The following DAPK2 variants were observed in gnomAD, a reference collection of about 807,000 sequenced individuals.
The protein encoded by DAPK2 is death-associated protein kinase 2.
DAPK2 carries 35 observed loss-of-function variants against 44.1 expected under a neutral mutation model. The observed-to-expected ratio is 0.79, with a 90% confidence interval of 0.61 to 1.05. The LOEUF is 1.05. DAPK2 is among the 50% of genes least tolerant of loss of function. The pLI is 0.00. For synonymous variants in DAPK2, 174 were observed against 182.6 expected (o/e 0.95, Z 0.38); for missense variants, 453 against 483.2 (o/e 0.94, Z 0.59).
chr15:64,036,351 A>T (rs1455873589), intron 1 of DAPK2, among the ~76,000 whole-genome samples: 1 of 138,812 alleles, frequency 7.2e-6, no homozygotes, highest in East Asian at 2.2e-4. Flanking sequence ...ATATATATAT[A>T]TATTTTAGTT....
chr15:64,006,175 G>A (rs2079224866), intron 1 of DAPK2, among the ~76,000 whole-genome samples: 1 of 152,042 alleles, frequency 6.6e-6, no homozygotes, highest in Non-Finnish European at 1.5e-5. Context: ...ACACTGAGTG[G>A]TCTCCGCTCA....
chr15:63,915,758 G>A (rs1419749992), intron 8 of DAPK2, among the ~76,000 whole-genome samples: 1 of 152,170 alleles, frequency 6.6e-6, no homozygotes, highest in African/African-American at 2.4e-5. Flanking sequence ...CCCTGAGGAG[G>A]CAGCATGGGG....
intron 3 of DAPK2, among the ~76,000 whole-genome samples, chr15:63,944,169 TG>T (rs2140480208): frequency 1.3e-5 from 2 of 152,166 alleles, no homozygotes; most frequent in South Asian, 4.1e-4. Context: ...GGATGAAGCC[TG>T]GGGGTTTCAG....
At position 63,980,058 on chromosome 15, in the gene DAPK2, A is replaced by G. The variant is rs2078459822; in HGVS notation, c.314+3475T>C. On this transcript the variant is annotated intron_variant, in intron 2 of 10. Coordinates refer to ENST00000261891, the Ensembl canonical transcript of DAPK2. The surrounding 1 kb of genome is among the most constrained non-coding windows in gnomAD (Gnocchi z 4.3). ...CAATCTCATAAATTCTTAGCAGTCC[A>G]TAGACAGGCACCCTGAGAACAATGA... 6.6e-6 allele frequency among the ~76,000 whole-genome samples: 1 copy of G among 152,228 alleles called. No homozygotes were observed. Among genetic ancestry groups the G allele is most frequent in the South Asian group, 2.1e-4 (1 of 4,838 alleles).
At chr15:64,012,056 T>C (rs2079402940) in intron 1 of DAPK2, among the ~76,000 whole-genome samples, 1 of 152,242 alleles carries the variant, frequency 6.6e-6, no homozygotes, top group African/African-American at 2.4e-5. Context: ...CCAGCCACTC[T>C]GATTTCCTCA....
chr15:63,939,450 C>T lies in DAPK2; in HGVS notation c.454-89G>A. On this transcript the variant is annotated intron_variant, in intron 3 of 10. Coordinates refer to ENST00000261891, the Ensembl canonical transcript of DAPK2. This position sits in a 1 kb window ranked among gnomAD's most constrained non-coding sequence, Gnocchi z 4.3. ...AAAGGCTGGTTGGTTCGTGTTTTGGCTTTGGGGTTTGGGGTGGGACTTGGT... is the reference window on the plus strand; with the variant it reads ...AAAGGCTGGTTGGTTCGTGTTTTGGTTTTGGGGTTTGGGGTGGGACTTGGT... The T allele has an allele frequency of 7.2e-7, 1 of 1,385,246 alleles. No individual in the cohort carries two copies. Among genetic ancestry groups the T allele is most frequent in the Non-Finnish European group, 9.7e-7 (1 of 1,029,556 alleles). 85.8% of individuals were successfully genotyped at this position (1,385,246 alleles called of 1,614,324 possible).
chr15:64,020,286 T>C lies in DAPK2; in HGVS notation c.92+19884A>G, dbSNP rs185119915. Among the ~76,000 whole-genome samples the C allele has an allele frequency of 2.1e-4, 32 of 152,308 alleles. No individual in the cohort carries two copies. Among genetic ancestry groups the C allele is most frequent in the African/African-American group, 7.5e-4 (31 of 41,576 alleles). ...TCTCTCCCACGCCAGCACACTCTTA[T>C]TGCACTACCTTGTTGAATGCATCAA... On this transcript the variant is annotated intron_variant, in intron 1 of 10. Transcript: ENST00000261891. This position sits in a 1 kb window ranked among gnomAD's most constrained non-coding sequence, Gnocchi z 4.5.
intron 3 of DAPK2, among the ~76,000 whole-genome samples, chr15:63,958,386 T>C (rs1013140454): frequency 1.3e-5 from 2 of 152,256 alleles, no homozygotes. Context: ...TTTTGGCTTT[T>C]GTTGCCATTG....
At chr15:64,028,794 A>G (rs529011719) in intron 1 of DAPK2, among the ~76,000 whole-genome samples, 3 of 152,284 alleles carry the variant, frequency 2.0e-5, no homozygotes, top group Admixed American at 1.3e-4. Context: ...GATAACCCAC[A>G]GACGGAAAGA....
chr15:63,934,690 T>C (rs1392101641), intron 4 of DAPK2, among the ~76,000 whole-genome samples: 1 of 152,214 alleles, frequency 6.6e-6, no homozygotes, highest in African/African-American at 2.4e-5. Context: ...CCAGTGTAAC[T>C]GGGACTACAA....
At chr15:63,953,291 C>G (rs983877903) in intron 3 of DAPK2, among the ~76,000 whole-genome samples, 3 of 152,176 alleles carry the variant, frequency 2.0e-5, no homozygotes, top group Admixed American at 2.0e-4. Context: ...CATCCAAGTT[C>G]TGGCAACCAT....
upstream of DAPK2, among the ~76,000 whole-genome samples, chr15:64,043,197 T>C (rs2080387551): frequency 6.6e-6 from 1 of 152,162 alleles, no homozygotes; most frequent in Admixed American, 6.5e-5. Context: ...CAAACACTGC[T>C]GGGAGGGGTA....
intron 1 of DAPK2, among the ~76,000 whole-genome samples, chr15:64,036,336 T>TAC (rs1555484558): frequency 3.5e-5 from 4 of 115,096 alleles, no homozygotes; most frequent in Admixed American, 9.6e-5. Context: ...TATATATATA[T>TAC]ACATATATAT....
At chr15:63,988,141 A>G (rs1052992792) in intron 1 of DAPK2, among the ~76,000 whole-genome samples, 1 of 152,132 alleles carries the variant, frequency 6.6e-6, no homozygotes, top group Non-Finnish European at 1.5e-5. Flanking sequence ...CCCTCTTCCC[A>G]GGCAGAGGAC....
At chr15:63,929,345 C>A (rs2079439677) in intron 6 of DAPK2, among the ~76,000 whole-genome samples, 1 of 152,176 alleles carries the variant, frequency 6.6e-6, no homozygotes, top group South Asian at 2.1e-4. Context: ...GGCTGCTCCC[C>A]TGGATGCCTA....
intron 1 of DAPK2, among the ~76,000 whole-genome samples, chr15:64,005,255 G>C (rs760224531): frequency 1.4e-4 from 21 of 151,980 alleles, no homozygotes; most frequent in Non-Finnish European, 2.6e-4. Flanking sequence ...AGTTAGCTCA[G>C]GGCAAGTCAT....
chr15:63,975,276 C>T (rs2078312734), intron 2 of DAPK2, among the ~76,000 whole-genome samples: 1 of 152,094 alleles, frequency 6.6e-6, no homozygotes, highest in Non-Finnish European at 1.5e-5. Flanking sequence ...CAGATCCCAC[C>T]ATAGACTTTA....
chr15:63,983,873 T>A lies in DAPK2; in HGVS notation c.93-119A>T. 3 of 995,330 alleles carry A rather than the reference T, an allele frequency of 3.0e-6. No individual in the cohort carries two copies. In the South Asian group the frequency reaches 4.6e-5, roughly 15 times the overall value. 61.7% of individuals were successfully genotyped at this position (995,330 alleles called of 1,614,324 possible). A position where few individuals can be genotyped will look rare whatever the true frequency, so the allele number is the denominator to read the frequency against. ...GATTCTGCCAGGACAGGACAAATCA[T>A]GCCACCAGTCTGCATCCCCACCTGA... On this transcript the variant is annotated intron_variant, in intron 1 of 10. Coordinates refer to ENST00000261891, the Ensembl canonical transcript of DAPK2.
At chr15:63,994,022 G>A (rs28544905) in intron 1 of DAPK2, among the ~76,000 whole-genome samples, 30,597 of 152,058 alleles carry the variant, frequency 0.2, 3,163 homozygotes, top group South Asian at 0.25. Context: ...GGAGGACCAG[G>A]GCTTCAGGCA....
Sources: allele counts gnomAD v4.1 joint callset (sites outside exome capture counted in the v4.1 genomes callset), GRCh38; gene constraint gnomAD v4.1.1; non-coding constraint Gnocchi (gnomAD v3.1); transcripts MANE v1.5; gene names NCBI Gene and HGNC (gene_info 2026-07-23, HGNC 2026-07-21).